The following TRIM34 variants were observed in gnomAD, a reference collection of about 807,000 sequenced individuals.
TRIM34 encodes the protein tripartite motif containing 34.
In TRIM34, 41 loss-of-function variants were observed where a neutral mutation model predicts 38.1. The ratio of observed to expected loss-of-function variants is 1.08; its 90% confidence interval spans 0.84 to 1.40. TRIM34 has a LOEUF of 1.40. TRIM34 is among the 40% of genes most tolerant of loss of function. The pLI is 0.00. For missense variants in TRIM34, 556 were observed against 571.4 expected (o/e 0.97, Z 0.27); for synonymous variants, 200 against 202.5 (o/e 0.99, Z 0.10).
chr11:5,630,446 T>G (rs1849438949), intron 1 of TRIM34, among the ~76,000 whole-genome samples: 1 of 152,206 alleles, frequency 6.6e-6, no homozygotes, highest in Non-Finnish European at 1.5e-5. Flanking sequence ...TCACTTTTAC[T>G]TCATTTAGGA....
At position 5,643,791 on chromosome 11, in the gene TRIM34, T is replaced by A; in HGVS notation, c.*82T>A. The A allele has an allele frequency of 6.7e-7, 1 of 1,495,482 alleles. No individual in the cohort carries two copies. The highest frequency in any genetic ancestry group is 8.9e-7 in the Non-Finnish European group (1 of 1,121,992). The allele number at this position is 1,495,482 out of a possible 1,614,324, so 92.6% of individuals were successfully genotyped here. A position where few individuals can be genotyped will look rare whatever the true frequency, so the allele number is the denominator to read the frequency against. On this transcript the variant is annotated 3_prime_UTR_variant, in exon 8 of 8. Transcript: ENST00000429814. The stretch of plus-strand genomic sequence containing the variant: ...TCATCTGCAACATTCACACCATTGC[T>A]TCCTTGTGGTTTCCCTTCTTTAGAA...
At chr11:5,627,650 T>C (rs936227320) in intron 1 of TRIM34, among the ~76,000 whole-genome samples, 1 of 152,148 alleles carries the variant, frequency 6.6e-6, no homozygotes, top group African/African-American at 2.4e-5. Context: ...TAATGTGGTA[T>C]AGATTGGGCC....
chr11:5,631,317 C>T (rs146875125), intron 1 of TRIM34, among the ~76,000 whole-genome samples: 56 of 152,300 alleles, frequency 3.7e-4, no homozygotes, highest in African/African-American at 1.1e-3. Flanking sequence ...GGCTTTACCT[C>T]GGCTTTTCTT....
chr11:5,637,810 A>G (rs1349626840), intron 4 of TRIM34, among the ~76,000 whole-genome samples: 2 of 152,154 alleles, frequency 1.3e-5, no homozygotes, highest in Non-Finnish European at 2.9e-5. Context: ...GACTTTGCCT[A>G]TTCTAAGTAC....
At chr11:5,641,216 C>T (rs1383036002) in intron 5 of TRIM34, 27 bp downstream of exon 5, 3 of 1,613,506 alleles carry the variant, frequency 1.9e-6, no homozygotes, top group Non-Finnish European at 1.7e-6. Flanking sequence ...AGGAGTGGTG[C>T]TTGTGAGTTA....
intron 4 of TRIM34, among the ~76,000 whole-genome samples, chr11:5,638,741 T>C (rs567754373): frequency 7.2e-5 from 11 of 152,218 alleles, no homozygotes; most frequent in African/African-American, 2.4e-4. Flanking sequence ...GTGCCGTTTT[T>C]TCTTCTTTGT....
upstream of TRIM34, among the ~76,000 whole-genome samples, chr11:5,622,025 A>G (rs2133895709): frequency 6.6e-6 from 1 of 152,250 alleles, no homozygotes; most frequent in Admixed American, 6.5e-5. Context: ...AACTTTCTAT[A>G]TTATCTGAGA....
At chr11:5,625,727 C>G (rs1036582570) in intron 1 of TRIM34, among the ~76,000 whole-genome samples, 3 of 152,170 alleles carry the variant, frequency 2.0e-5, no homozygotes, top group Non-Finnish European at 4.4e-5. Flanking sequence ...TCTCAGGGCT[C>G]TCCTTGCACA....
At chr11:5,621,956 C>T (rs1849004235), upstream of TRIM34, among the ~76,000 whole-genome samples, 1 of 152,118 alleles carries the variant, frequency 6.6e-6, no homozygotes, top group Non-Finnish European at 1.5e-5. Context: ...ACCTTGGGCA[C>T]ATGTTGTCAG....
At position 5,642,412 on chromosome 11, in the gene TRIM34, G is replaced by A; in HGVS notation, c.780G>A (p.Glu260=). The change falls in exon 6 of 8, where the codon GAG becomes GAA. Residue 260 remains glutamate (E), a synonymous_variant. Transcript: ENST00000429814. ...AAATTTTTTTCATCCCTAGGAGTGAGATCTGGAGGCTGAAAAAGCCAAAAA... is the reference window on the plus strand; with the variant it reads ...AAATTTTTTTCATCCCTAGGAGTGAAATCTGGAGGCTGAAAAAGCCAAAAA... ...QDMSGIMKWS[E]IWRLKKPKMV... is the part of the protein sequence containing the mutation. 6.2e-7 allele frequency: 1 copy of A among 1,612,896 alleles called. No homozygotes were observed. The highest frequency in any genetic ancestry group is 1.3e-5 in the African/African-American group (1 of 74,998).
chr11:5,636,951 C>G (rs970216626), intron 4 of TRIM34, among the ~76,000 whole-genome samples: 1 of 152,144 alleles, frequency 6.6e-6, no homozygotes, highest in Admixed American at 6.5e-5. Flanking sequence ...TCGAGATCAT[C>G]CTGGCTAACA....
At chr11:5,642,573 G>C in intron 6 of TRIM34, 67 bp downstream of exon 6, 1 of 1,560,094 alleles carries the variant, frequency 6.4e-7, no homozygotes, top group Non-Finnish European at 8.7e-7. Context: ...AACTGTCTAG[G>C]TGGGATAACT....
intron 4 of TRIM34, among the ~76,000 whole-genome samples, chr11:5,635,653 G>A (rs768914065): frequency 1.8e-4 from 28 of 152,208 alleles, no homozygotes; most frequent in Admixed American, 7.2e-4. Context: ...TCCTTTCTTT[G>A]CTGAATTTCC....
intron 1 of TRIM34, among the ~76,000 whole-genome samples, chr11:5,628,715 A>G (rs1849351031): frequency 6.6e-6 from 1 of 152,178 alleles, no homozygotes; most frequent in East Asian, 1.9e-4. Context: ...TGTTGTAACC[A>G]ATTATCACAA....
chr11:5,634,530 C>CACACACACACACACACACATATAT (rs1491498839), intron 3 of TRIM34, 101 bp from the exon 4 acceptor site: 4 of 203,916 alleles, frequency 2.0e-5, no homozygotes, highest in African/African-American at 1.0e-4. Flanking sequence ...CACACACACA[C>CACACACACACACACACACATATAT]ATATATATAT....
At chr11:5,624,028 G>C (rs1300510114), upstream of TRIM34, among the ~76,000 whole-genome samples, 1 of 152,150 alleles carries the variant, frequency 6.6e-6, no homozygotes, top group African/African-American at 2.4e-5. Flanking sequence ...CATGCTGTTT[G>C]TGGAGGCACA....
At chr11:5,627,275 G>T (rs1318912831) in intron 1 of TRIM34, among the ~76,000 whole-genome samples, 1 of 152,064 alleles carries the variant, frequency 6.6e-6, no homozygotes, top group African/African-American at 2.4e-5. Flanking sequence ...AGCTACTCGG[G>T]AGGCTGAGGC....
At chr11:5,628,880 A>G (rs1021832721) in intron 1 of TRIM34, among the ~76,000 whole-genome samples, 16 of 152,134 alleles carry the variant, frequency 1.1e-4, no homozygotes, top group Admixed American at 9.8e-4. Flanking sequence ...GTTTCTAGCA[A>G]ACCTCGGCAT....
At chr11:5,636,964 G>GGA (rs1849764760) in intron 4 of TRIM34, among the ~76,000 whole-genome samples, 1 of 152,168 alleles carries the variant, frequency 6.6e-6, no homozygotes, top group Admixed American at 6.5e-5. Flanking sequence ...GGCTAACACA[G>GGA]TGAAACCCCG....
Sources: allele counts gnomAD v4.1 joint callset (sites outside exome capture counted in the v4.1 genomes callset), GRCh38; gene constraint gnomAD v4.1.1; transcripts MANE v1.5; gene names NCBI Gene and HGNC (gene_info 2026-07-23, HGNC 2026-07-21).